The following VWF variants were observed in gnomAD, a reference collection of about 807,000 sequenced individuals.
VWF encodes von Willebrand factor.
In VWF, 176 loss-of-function variants were observed where a neutral mutation model predicts 308.6. The ratio of observed to expected loss-of-function variants is 0.57; its 90% CI spans 0.50 to 0.65. The LOEUF (loss-of-function observed/expected upper bound fraction) is 0.65. Ranked by LOEUF, VWF falls within the 30% of genes least tolerant of loss-of-function variation. VWF has a pLI of 0.00. For synonymous variants in VWF, 1,385 were observed against 1,443.4 expected (o/e 0.96, Z 0.92); for missense variants, 3,146 against 3,648.2 (o/e 0.86, Z 3.55).
intron 47 of VWF, among the ~76,000 whole-genome samples, chr12:5,955,197 G>A (rs114446920): frequency 0.075 from 11,407 of 152,184 alleles, 518 homozygotes; most frequent in African/African-American, 0.12. Context: ...AATGGCCCCA[G>A]TATTGCAATT....
chr12:6,003,696 G>T (rs1591853792), intron 34 of VWF, among the ~76,000 whole-genome samples: 1 of 151,928 alleles, frequency 6.6e-6, no homozygotes, highest in African/African-American at 2.4e-5. Flanking sequence ...GCTGGAGGAA[G>T]GGGGAAATGG....
intron 47 of VWF, among the ~76,000 whole-genome samples, chr12:5,957,531 G>A (rs961980972): frequency 2.0e-5 from 3 of 151,934 alleles, no homozygotes; most frequent in Admixed American, 6.6e-5. Context: ...TAGAAGGGGG[G>A]AAATGCATAC....
At chr12:6,071,714 T>A (rs1001152294) in intron 9 of VWF, among the ~76,000 whole-genome samples, 3 of 152,150 alleles carry the variant, frequency 2.0e-5, no homozygotes, top group Non-Finnish European at 2.9e-5. Context: ...AGAAGTGTGG[T>A]GGGCGGTGGC....
chr12:6,089,235 T>G (rs920590345), intron 6 of VWF, among the ~76,000 whole-genome samples: 2 of 152,084 alleles, frequency 1.3e-5, no homozygotes, highest in East Asian at 3.9e-4. Context: ...GTCATTGTGC[T>G]TCCGAGCCAG....
rs7965698 is a variant in VWF, at chr12:6,089,350, G to C, written c.657+6110C>G. Reference sequence around the variant, plus strand: ...GAAACCGGGAGTTCTGAGCTGGGAGGAGCTTGTGCCTCTGGGAGGTCTCAC... The same window carrying C: ...GAAACCGGGAGTTCTGAGCTGGGAGCAGCTTGTGCCTCTGGGAGGTCTCAC... On this transcript the variant is annotated intron_variant, in intron 6 of 51. Coordinates refer to ENST00000261405, the MANE Select transcript of VWF (RefSeq NM_000552.5). Among the ~76,000 whole-genome samples the C allele has an allele frequency of 3.9e-4, 59 of 152,292 alleles. 1 individual carries two copies. The highest frequency in any genetic ancestry group is 1.2e-3 in the African/African-American group (50 of 41,548).
In VWF at chr12:6,087,354, CT is replaced by C. The variant is rs948166436; in HGVS notation, c.657+8105del. On this transcript the variant is annotated intron_variant, in intron 6 of 51. Transcript: ENST00000261405. Reference sequence around the variant, plus strand: ...GCAAGGGTGTCTCAAAGACTTAACTCTTTTTTTTTTTTTTTTTTTTTTGAGA... The same window carrying C: ...GCAAGGGTGTCTCAAAGACTTAACTCTTTTTTTTTTTTTTTTTTTTTGAGA... 4.8e-3 allele frequency among the ~76,000 whole-genome samples: 574 copies of C among 118,762 alleles called. 2 individuals are homozygous for C. Among genetic ancestry groups the C allele is most frequent in the East Asian group, 0.027 (85 of 3,100 alleles). 77.9% of individuals were successfully genotyped at this position (118,762 alleles called of 152,430 possible). A position where few individuals can be genotyped will look rare whatever the true frequency, so the allele number is the denominator to read the frequency against.
At chr12:6,001,592 T>C (rs1943874071) in intron 34 of VWF, among the ~76,000 whole-genome samples, 2 of 152,154 alleles carry the variant, frequency 1.3e-5, no homozygotes, top group Admixed American at 1.3e-4. Context: ...AACATCTTCA[T>C]AGAGCAAAAA....
intron 19 of VWF, among the ~76,000 whole-genome samples, chr12:6,035,115 T>A (rs1565838302): frequency 6.6e-6 from 1 of 152,168 alleles, no homozygotes; most frequent in Non-Finnish European, 1.5e-5. Context: ...GAGGCCCGGA[T>A]GCTCTTTAGG....
rs11064007 is a variant in VWF at position 6,042,433 on chromosome 12, C to T, written c.2442+1858G>A. 5.3e-3 allele frequency among the ~76,000 whole-genome samples: 802 copies of T among 152,306 alleles called. 7 individuals carry two copies. Among genetic ancestry groups the T allele is most frequent in the African/African-American group, 0.018 (763 of 41,576 alleles). The stretch of plus-strand genomic sequence containing the variant: ...CAGCTCCATTTTCTTTGTGTTATGG[C>T]CAAGAACACGTGTCCCGTGCTGCAG... On this transcript the variant is annotated intron_variant, in intron 18 of 51. Coordinates refer to ENST00000261405, the MANE Select transcript of VWF (RefSeq NM_000552.5).
At chr12:6,100,006 T>A (rs1240665906) in intron 5 of VWF, among the ~76,000 whole-genome samples, 1 of 151,416 alleles carries the variant, frequency 6.6e-6, no homozygotes, top group African/African-American at 2.4e-5. Context: ...GACAAAGGGC[T>A]AATATCCAGA....
At chr12:6,062,194 G>A (rs533248427) in intron 13 of VWF, among the ~76,000 whole-genome samples, 1 of 152,156 alleles carries the variant, frequency 6.6e-6, no homozygotes, top group East Asian at 1.9e-4. Context: ...ACCAAAAAGC[G>A]AGAACCACTT....
intron 34 of VWF, among the ~76,000 whole-genome samples, chr12:5,998,465 C>CAAAAAAAAA (rs1179417103): frequency 5.5e-5 from 3 of 54,588 alleles, no homozygotes; most frequent in African/African-American, 1.6e-4. Flanking sequence ...GAGACTCCGT[C>CAAAAAAAAA]AAAAAAAAAA....
At chr12:6,064,188 G>A in intron 12 of VWF, 58 bp downstream of exon 12, 2 of 1,612,968 alleles carry the variant, frequency 1.2e-6, no homozygotes, top group African/African-American at 1.3e-5. Context: ...TTGAGAAGGA[G>A]GGTGCTAAGG....
rs963838969 is a variant in VWF, at chr12:6,058,351, G to C, written c.1534-307C>G. Among the ~76,000 whole-genome samples the C allele has an allele frequency of 6.6e-6, 1 of 152,200 alleles. No individual in the cohort carries two copies. The highest frequency in any genetic ancestry group is 6.5e-5 in the Admixed American group (1 of 15,288). ...GAGGCCCAAAGAGGCAAAGTGACTT[G>C]CCTAAGGTCAGGGAGGTAGTGGCGG... On this transcript the variant is annotated intron_variant, in intron 13 of 51. Coordinates refer to ENST00000261405, the MANE Select transcript of VWF (RefSeq NM_000552.5). The surrounding 1 kb of genome is among the most constrained non-coding windows in gnomAD (Gnocchi z 4.9).
In VWF at chr12:5,981,244, C is replaced by T. The variant is rs148538027; in HGVS notation, c.7287+542G>A. ...ATAAATGAGTAAACTATTAACTGCT[C>T]GTAGCCAGGTGTGGTGGTGTGCACT... On this transcript the variant is annotated intron_variant, in intron 42 of 51. Transcript: ENST00000261405. 1.3e-3 allele frequency among the ~76,000 whole-genome samples: 196 copies of T among 150,836 alleles called. 1 individual carries two copies. The highest frequency in any genetic ancestry group is 4.3e-3 in the African/African-American group (175 of 41,004).
chr12:6,038,747 C>T (rs147092597), intron 18 of VWF, among the ~76,000 whole-genome samples: 2 of 152,302 alleles, frequency 1.3e-5, no homozygotes, highest in African/African-American at 4.8e-5. Flanking sequence ...TATAATAGGA[C>T]CTTGATATTA....
Position 6,072,461 on chromosome 12 carries a change from A to G in VWF, c.998-19T>C. 6.3e-7 allele frequency: 1 copy of G among 1,594,992 alleles called. No individual in the cohort carries two copies. Among genetic ancestry groups the G allele is most frequent in the Non-Finnish European group, 8.6e-7 (1 of 1,162,896 alleles). ...TGTCCCTCTGGGGTCAAGGGCATCAAGACAAAGGCCTCAACATTGTCATTG... is the reference window on the plus strand; with the variant it reads ...TGTCCCTCTGGGGTCAAGGGCATCAGGACAAAGGCCTCAACATTGTCATTG... On this transcript the variant is annotated intron_variant, in intron 8 of 51. Coordinates refer to ENST00000261405, the MANE Select transcript of VWF (RefSeq NM_000552.5).
At chr12:6,092,111 A>G (rs1945041081) in intron 6 of VWF, among the ~76,000 whole-genome samples, 1 of 152,058 alleles carries the variant, frequency 6.6e-6, no homozygotes, top group Non-Finnish European at 1.5e-5. Flanking sequence ...CTCTTTGTGC[A>G]TGTTTGTAGG....
At position 6,029,342 on chromosome 12, in the gene VWF, C is replaced by A; in HGVS notation, c.2967G>T (p.Gln989His). 2 of 1,614,060 alleles carry A rather than the reference C, an allele frequency of 1.2e-6. No homozygotes were observed. Among genetic ancestry groups the A allele is most frequent in the Non-Finnish European group, 1.7e-6 (2 of 1,180,028 alleles). The change falls in exon 22 of 52, where the codon CAG (glutamine) becomes CAT (histidine). Residue 989 changes from glutamine (Q) to histidine (H), a missense_variant and splice_region_variant. By Grantham distance (24) the Gln-to-His change is conservative. Transcript: ENST00000261405. Reference sequence around the variant, plus strand: ...AAGATGAAGCAAGAAAGCCACTGACCTGGTATGTCTGCTTCAGGACCACGG... The same window carrying A: ...AAGATGAAGCAAGAAAGCCACTGACATGGTATGTCTGCTTCAGGACCACGG... ...SISVVLKQTY[Q>H]EKVCGLCGNF...
Sources: gnomAD v4.1 joint callset for allele counts (sites outside exome capture counted in the v4.1 genomes callset) on GRCh38, gnomAD v4.1.1 for gene constraint, Gnocchi (gnomAD v3.1) non-coding constraint, MANE v1.5 for transcripts, NCBI Gene and HGNC (gene_info 2026-07-23, HGNC 2026-07-21) for gene names.